Variants in ADGRL4 observed in about 807,000 individuals in gnomAD.
ADGRL4 encodes EGF, latrophilin and seven transmembrane domain containing 1.
Under a neutral mutation model 74.8 loss-of-function variants are expected in ADGRL4, and 90 were observed. That is an observed-to-expected ratio of 1.20 (90% confidence interval 1.02 to 1.43). ADGRL4 has a LOEUF of 1.43. Among genes scored for constraint, ADGRL4 ranks in the 40% most tolerant of loss-of-function variants. The pLI, the probability that ADGRL4 is intolerant of heterozygous loss-of-function variation, is 0.00. For synonymous variants in ADGRL4, 311 were observed against 279.2 expected (o/e 1.11, Z -1.14); for missense variants, 881 against 814.3 (o/e 1.08, Z -1.00).
At chr1:78,972,846 T>C (rs1650196197) in intron 2 of ADGRL4, among the ~76,000 whole-genome samples, 2 of 152,198 alleles carry the variant, frequency 1.3e-5, no homozygotes, top group Non-Finnish European at 2.9e-5. Flanking sequence ...TGGTGTTCCA[T>C]CTGTTGTTGC....
chr1:79,003,373 A>AAGTGTAT (rs1180332521), intron 2 of ADGRL4, among the ~76,000 whole-genome samples: 1 of 152,006 alleles, frequency 6.6e-6, no homozygotes, highest in Admixed American at 6.6e-5. Flanking sequence ...ACATCAAAAC[A>AAGTGTAT]AGTGTATATG....
chr1:78,934,919 G>C (rs988854586), intron 7 of ADGRL4, among the ~76,000 whole-genome samples: 14 of 152,196 alleles, frequency 9.2e-5, no homozygotes, highest in African/African-American at 3.4e-4. Flanking sequence ...TGCTGGTGAG[G>C]CTGTGGAGAA....
chr1:79,004,267 TTCTCTCTC>T (rs77039476), intron 2 of ADGRL4, among the ~76,000 whole-genome samples: 1 of 150,466 alleles, frequency 6.6e-6, no homozygotes, highest in Non-Finnish European at 1.5e-5. Flanking sequence ...CCTAGTACTT[TTCTCTCTC>T]TCTCTCTCTC....
rs1247069236 is a variant in ADGRL4 at position 78,913,327 on chromosome 1, C to T, written c.1749+4307G>A. Among the ~76,000 whole-genome samples the T allele has an allele frequency of 2.0e-5, 3 of 151,962 alleles. No individual in the cohort carries two copies. In the East Asian group the frequency reaches 5.8e-4, roughly 29 times the overall value. ...AATATAAATTGTTCTATCATAAAGA[C>T]ACATGTTCACTGCAGCACTATTCAC... On this transcript the variant is annotated intron_variant, in intron 12 of 14. Transcript: ENST00000370742.
chr1:78,927,593 A>G (rs1245465471), intron 7 of ADGRL4, among the ~76,000 whole-genome samples: 1 of 152,142 alleles, frequency 6.6e-6, no homozygotes, highest in African/African-American at 2.4e-5. Flanking sequence ...TATTGATAAC[A>G]TGTAATTATG....
intron 12 of ADGRL4, among the ~76,000 whole-genome samples, chr1:78,912,103 C>T (rs752043068): frequency 2.0e-5 from 3 of 151,852 alleles, no homozygotes; most frequent in Non-Finnish European, 4.4e-5. Context: ...GTGAATGCAG[C>T]TCCCCAAAGA....
At chr1:78,929,612 A>C (rs1649197374) in intron 7 of ADGRL4, among the ~76,000 whole-genome samples, 1 of 151,630 alleles carries the variant, frequency 6.6e-6, no homozygotes, top group Non-Finnish European at 1.5e-5. Flanking sequence ...GTGTTTTATT[A>C]ACTAATTTTT....
intron 12 of ADGRL4, among the ~76,000 whole-genome samples, chr1:78,909,884 ATACAT>A (rs1404066234): frequency 2.0e-5 from 3 of 151,912 alleles, no homozygotes; most frequent in Non-Finnish European, 4.4e-5. Flanking sequence ...AACTTTGGAA[ATACAT>A]TAAATATTCT....
rs984742629 is a variant in ADGRL4 at position 78,946,416 on chromosome 1, T to C, written c.183A>G (p.Glu61=). 1.9e-6 allele frequency: 3 copies of C among 1,608,460 alleles called. No homozygotes were observed. The highest frequency in any genetic ancestry group is 2.5e-6 in the Non-Finnish European group (3 of 1,177,778). The change falls in exon 3 of 15, where the codon GAA becomes GAG. Residue 61 remains glutamate, a synonymous_variant. Coordinates refer to ENST00000370742, the MANE Select transcript of ADGRL4 (RefSeq NM_022159.4). ...NGVTICEDDN[E]CGNLTQSCGE... is the part of the protein sequence containing the mutation. ...CACAGGACTGAGTTAAATTTCCACA[T>C]TCATTATCATCTGTTGGCATATGAA...
chr1:78,986,381 T>A lies in ADGRL4; in HGVS notation c.172+18689A>T, dbSNP rs113552055. Among the ~76,000 whole-genome samples the A allele has an allele frequency of 5.1e-4, 77 of 151,734 alleles. 2 individuals are homozygous for A. The East Asian group carries it at 5.8e-3, about 11-fold the overall frequency. On this transcript the variant is annotated intron_variant, in intron 2 of 14. Coordinates refer to ENST00000370742, the MANE Select transcript of ADGRL4 (RefSeq NM_022159.4). ...TTGGGAGGTCAAGGCAGGAGGACTGTTTGAGGCCAAGAGCTCAAAACCAGT... is the reference window on the plus strand; with the variant it reads ...TTGGGAGGTCAAGGCAGGAGGACTGATTGAGGCCAAGAGCTCAAAACCAGT...
In ADGRL4 at chr1:78,921,574, A is replaced by C. The variant is rs754264694; in HGVS notation, c.1257+39T>G. 4 of 1,295,916 alleles carry C rather than the reference A, an allele frequency of 3.1e-6. No individual in the cohort carries two copies. In the Admixed American group the frequency reaches 1.2e-4, roughly 38 times the overall value. 80.3% of individuals were successfully genotyped at this position (1,295,916 alleles called of 1,614,324 possible). A position where few individuals can be genotyped will look rare whatever the true frequency, so the allele number is the denominator to read the frequency against. ...GAATGATGCGGAAAAAAAACAGAAA[A>C]AGCAACATTTATAAATATGAAGGGG... On this transcript the variant is annotated intron_variant, in intron 9 of 14. Transcript: ENST00000370742.
intron 3 of ADGRL4, among the ~76,000 whole-genome samples, chr1:78,942,517 T>G (rs1649508790): frequency 6.6e-6 from 1 of 152,208 alleles, no homozygotes; most frequent in Admixed American, 6.5e-5. Context: ...CAGGCTAGAT[T>G]TGACAGACCT....
chr1:78,902,670 C>T (rs541469105), intron 12 of ADGRL4, among the ~76,000 whole-genome samples: 33 of 152,256 alleles, frequency 2.2e-4, no homozygotes, highest in African/African-American at 6.5e-4. Context: ...ACATGCATAG[C>T]TAACAGTTAT....
Position 78,920,243 on chromosome 1 carries a change from G to A in ADGRL4, c.1401C>T (p.Cys467=), listed in dbSNP as rs1648968162. ...STRTTIHKNL[C]CSLFLAELVF... is the part of the protein sequence containing the mutation. Reference sequence around the variant, plus strand: ...CAAGTTCAGCAAGAAATAGGCTACAGCAAAGATTTTTGTGAATTGTTGTCC... The same window carrying A: ...CAAGTTCAGCAAGAAATAGGCTACAACAAAGATTTTTGTGAATTGTTGTCC... The change falls in exon 10 of 15, where the codon TGC becomes TGT. Residue 467 remains cysteine, a synonymous_variant. Transcript: ENST00000370742. 6.2e-7 allele frequency: 1 copy of A among 1,612,052 alleles called. No individual in the cohort carries two copies. Among genetic ancestry groups the A allele is most frequent in the African/African-American group, 1.3e-5 (1 of 74,904 alleles).
chr1:78,992,712 T>C (rs953926282), intron 2 of ADGRL4, among the ~76,000 whole-genome samples: 2 of 152,124 alleles, frequency 1.3e-5, no homozygotes, highest in African/African-American at 4.8e-5. Flanking sequence ...CTCAGTGTTT[T>C]AATATGCAGA....
chr1:78,953,042 G>T (rs890171883), intron 2 of ADGRL4, among the ~76,000 whole-genome samples: 8 of 152,014 alleles, frequency 5.3e-5, no homozygotes, highest in African/African-American at 1.9e-4. Context: ...CTCTTTGTCA[G>T]AACTATTAAT....
intron 2 of ADGRL4, among the ~76,000 whole-genome samples, chr1:78,957,027 T>C (rs2100704474): frequency 6.6e-6 from 1 of 152,274 alleles, no homozygotes. Flanking sequence ...ATACTAGTTA[T>C]TGCAATATGT....
At chr1:78,918,241 A>G (rs1648925220) in intron 10 of ADGRL4, among the ~76,000 whole-genome samples, 191 bp from the exon 11 acceptor site, 1 of 152,020 alleles carries the variant, frequency 6.6e-6, no homozygotes, top group East Asian at 1.9e-4. Context: ...GCGTTTCATC[A>G]GCGTGAAATA....
chr1:78,955,294 T>C (rs907091884), intron 2 of ADGRL4, among the ~76,000 whole-genome samples: 7 of 152,150 alleles, frequency 4.6e-5, no homozygotes, highest in Admixed American at 3.3e-4. Context: ...AATTTTCTTG[T>C]AGATTTGCAA....
Sources: allele counts gnomAD v4.1 joint callset (sites outside exome capture counted in the v4.1 genomes callset), GRCh38; gene constraint gnomAD v4.1.1; transcripts MANE v1.5; gene names NCBI Gene and HGNC (gene_info 2026-07-23, HGNC 2026-07-21).